VPS13D: variants seen among roughly 807,000 people sequenced by gnomAD.
VPS13D encodes intermembrane lipid transfer protein VPS13D.
Under a neutral mutation model 461.9 loss-of-function variants are expected in VPS13D, and 187 were observed. That is an observed-to-expected ratio of 0.40 (90% CI 0.36 to 0.46). The LOEUF is 0.46. Ranked by LOEUF, VPS13D falls within the 20% of genes least tolerant of loss-of-function variation. VPS13D has a pLI of 0.60. For synonymous variants in VPS13D, 1,951 were observed against 1,986.3 expected (o/e 0.98, Z 0.47); for missense variants, 4,711 against 5,364.9 (o/e 0.88, Z 3.81).
intron 65 of VPS13D, among the ~76,000 whole-genome samples, chr1:12,437,602 C>T (rs183510142): frequency 1.3e-5 from 2 of 152,304 alleles, no homozygotes; most frequent in Admixed American, 1.3e-4. Context: ...TAACCCAACC[C>T]TCCCCTCCCC....
At chr1:12,494,738 T>C (rs2100533671) in intron 67 of VPS13D, among the ~76,000 whole-genome samples, 1 of 152,334 alleles carries the variant, frequency 6.6e-6, no homozygotes, top group Admixed American at 6.5e-5. Context: ...CCTTTCTGTG[T>C]TTTGATCAGT....
chr1:12,271,960 G>A (rs1272627817), intron 17 of VPS13D, among the ~76,000 whole-genome samples: 1 of 151,880 alleles, frequency 6.6e-6, no homozygotes, highest in South Asian at 2.1e-4. Context: ...GGGAAGCGGA[G>A]GTGGGATGAT....
At chr1:12,361,403 A>T (rs12145072) in intron 50 of VPS13D, among the ~76,000 whole-genome samples, 68,110 of 132,998 alleles carry the variant, frequency 0.51, 18,057 homozygotes, top group Non-Finnish European at 0.57. Context: ...TTATTTATTT[A>T]TTTTTTTTTT....
intron 18 of VPS13D, among the ~76,000 whole-genome samples, chr1:12,274,472 C>T (rs555380445): frequency 6.6e-5 from 10 of 151,896 alleles, no homozygotes; most frequent in East Asian, 5.8e-4. Context: ...CCACCACGCC[C>T]GGCCAATTTT....
intron 67 of VPS13D, among the ~76,000 whole-genome samples, chr1:12,469,544 A>G (rs924958392): frequency 2.6e-4 from 39 of 152,334 alleles, no homozygotes; most frequent in African/African-American, 9.4e-4. Context: ...AAGCTGCTCT[A>G]GTTGAAAATA....
chr1:12,281,458 G>A (rs991355958), intron 20 of VPS13D, among the ~76,000 whole-genome samples: 3 of 152,068 alleles, frequency 2.0e-5, no homozygotes, highest in Admixed American at 6.6e-5. Flanking sequence ...TTGGCTGTTC[G>A]TGTGCCACTT....
At chr1:12,313,767 C>T (rs1331715141) in intron 29 of VPS13D, among the ~76,000 whole-genome samples, 2 of 152,104 alleles carry the variant, frequency 1.3e-5, no homozygotes, top group Non-Finnish European at 2.9e-5. Context: ...CCCAGAGGGA[C>T]CCTTGACATC....
At chr1:12,349,873 G>T (rs187150835) in intron 46 of VPS13D, among the ~76,000 whole-genome samples, 1 of 152,298 alleles carries the variant, frequency 6.6e-6, no homozygotes, top group African/African-American at 2.4e-5. Flanking sequence ...ACTAGATTCA[G>T]TGTTGGAAAT....
At chr1:12,447,505 T>C (rs566129081) in intron 65 of VPS13D, among the ~76,000 whole-genome samples, 2 of 152,208 alleles carry the variant, frequency 1.3e-5, no homozygotes, top group Non-Finnish European at 2.9e-5. Flanking sequence ...CACTGTGGTC[T>C]TCAGTACTTG....
chr1:12,309,938 T>G (rs56241049), intron 27 of VPS13D, among the ~76,000 whole-genome samples: 1,536 of 152,254 alleles, frequency 0.01, 30 homozygotes, highest in African/African-American at 0.035. Context: ...ACTGGGATGT[T>G]TGTGTTTCAG....
chr1:12,369,796 A>G, intron 54 of VPS13D, 94 bp downstream of exon 54: 1 of 1,135,170 alleles, frequency 8.8e-7, no homozygotes, highest in East Asian at 2.5e-5. Context: ...AGACCAAAGT[A>G]CAAAGGAAGA....
intron 52 of VPS13D, among the ~76,000 whole-genome samples, chr1:12,364,892 T>C (rs1238278076): frequency 6.6e-6 from 1 of 152,254 alleles, no homozygotes; most frequent in African/African-American, 2.4e-5. Flanking sequence ...TTTATAGTTT[T>C]AGCTCTTACT....
chr1:12,381,608 A>G (rs1369964416), intron 57 of VPS13D, among the ~76,000 whole-genome samples: 1 of 152,228 alleles, frequency 6.6e-6, no homozygotes. Flanking sequence ...GCCTGTAACA[A>G]TAGCTGAGAC....
intron 13 of VPS13D, 60 bp downstream of exon 13, chr1:12,262,140 C>G: frequency 6.5e-7 from 1 of 1,527,940 alleles, no homozygotes; most frequent in Non-Finnish European, 8.8e-7. Context: ...AATGTCCAGG[C>G]GATTCTCATT....
At chr1:12,262,684 T>C (rs1378345502) in intron 13 of VPS13D, among the ~76,000 whole-genome samples, 2 of 152,024 alleles carry the variant, frequency 1.3e-5, no homozygotes, top group Non-Finnish European at 2.9e-5. Flanking sequence ...TGAAATGCAT[T>C]TTTGACTTAC....
chr1:12,308,864 T>C (rs1406502138), intron 27 of VPS13D, among the ~76,000 whole-genome samples: 1 of 152,034 alleles, frequency 6.6e-6, no homozygotes, highest in African/African-American at 2.4e-5. Flanking sequence ...GTTGTGGTCT[T>C]GAACTCCTGA....
intron 59 of VPS13D, 96 bp downstream of exon 59, chr1:12,385,469 G>C: frequency 1.0e-6 from 1 of 976,390 alleles, no homozygotes; most frequent in Non-Finnish European, 1.5e-6. Flanking sequence ...TTTCTATCCT[G>C]TATGATTCTA....
chr1:12,443,173 C>T (rs984608445), intron 65 of VPS13D, among the ~76,000 whole-genome samples: 1 of 152,210 alleles, frequency 6.6e-6, no homozygotes, highest in African/African-American at 2.4e-5. Context: ...CTTCTGTTTA[C>T]AGTTTTACCA....
rs747403898 is a variant in VPS13D, at chr1:12,373,740, T to A, written c.10809-10T>A. 1.3e-5 allele frequency: 19 copies of A among 1,445,244 alleles called. No homozygotes were observed. Among genetic ancestry groups the A allele is most frequent in the Non-Finnish European group, 1.6e-5 (18 of 1,101,652 alleles). The allele number at this position is 1,445,244 out of a possible 1,614,324, so 89.5% of individuals were successfully genotyped here. A position where few individuals can be genotyped will look rare whatever the true frequency, so the allele number is the denominator to read the frequency against. ...ATTTTTATGTAATATATATATTTTT[T>A]AAATTCTAGCTTGCAGGAGGGAACA... is the stretch of plus-strand genomic sequence containing the variant. On this transcript the variant is annotated splice_polypyrimidine_tract_variant and intron_variant, in intron 54 of 69. Transcript: ENST00000620676.
Sources: gnomAD v4.1 joint callset for allele counts (sites outside exome capture counted in the v4.1 genomes callset) on GRCh38, gnomAD v4.1.1 for gene constraint, MANE v1.5 for transcripts, NCBI Gene and HGNC (gene_info 2026-07-23, HGNC 2026-07-21) for gene names.